Variants in KIAA1210 observed in about 807,000 individuals in gnomAD.
KIAA1210 encodes the protein KIAA1210.
A neutral mutation model predicts 78.9 loss-of-function variants in KIAA1210; 48 were observed. The observed-to-expected ratio is 0.61, with a 90% CI of 0.48 to 0.77. The LOEUF (loss-of-function observed/expected upper bound fraction) is 0.77. KIAA1210 is among the 30% of genes least tolerant of loss of function. The pLI is 0.00. For missense variants in KIAA1210, 1,108 were observed against 1,100.0 expected (o/e 1.01, Z -0.10); for synonymous variants, 406 against 404.5 (o/e 1.00, Z -0.04).
At chrX:119,083,825 AAAAATTTT>A (rs1927039938) in intron 10 of KIAA1210, among the ~76,000 whole-genome samples, 1 of 108,199 alleles carries the variant, frequency 9.2e-6, no homozygotes, top group Admixed American at 1.0e-4. Context: ...CATCTCTACA[AAAAATTTT>A]AAAAATTACC....
exon 2 of KIAA1210, chrX:119,147,546 C>T: frequency 8.3e-7 from 1 of 1,210,223 alleles, no homozygotes; most frequent in Non-Finnish European, 1.1e-6. Flanking sequence ...CTGGCCAGAT[C>T]CCCAAGATTA....
At position 119,088,996 on chromosome X, in the gene KIAA1210, A is replaced by C. The variant is rs778085444; in HGVS notation, c.1706T>G (p.Val569Gly). The change falls in exon 9 of 12, where the codon GTT (valine) becomes GGT (glycine). Residue 569 changes from valine to glycine, a missense_variant. By Grantham distance (109) the Val-to-Gly change is moderately radical. Around this residue, in one of 5 missense-constraint regions of KIAA1210, gnomAD observed 672 missense variants for 607.1 expected, o/e 1.11. Coordinates refer to ENST00000691062, the MANE Select transcript of KIAA1210 (RefSeq NM_001394962.1). ...GNVHQTFTAS[V>G]LGMTSTTAKG... ...GGCTGTAGTACTTGTCATACCCAAAACACTTGCTGTAAAGGTCTGGTGAAC... is the reference window on the plus strand; with the variant it reads ...GGCTGTAGTACTTGTCATACCCAAACCACTTGCTGTAAAGGTCTGGTGAAC... 4 of 1,212,089 alleles carry C rather than the reference A, an allele frequency of 3.3e-6. No individual in the cohort carries two copies. In the East Asian group the frequency reaches 1.2e-4, roughly 36 times the overall value.
Position 119,087,538 on chromosome X carries a change from T to G in KIAA1210, c.3164A>C (p.Lys1055Thr), listed in dbSNP as rs1055937345. ...GAAAACTTGGTGCTTGACTTCAGGC[T>G]TTGATAAAGATTTGGAAGGAAGATT... ...PPNLPSKSLS[K>T]PEVKHQVFSD... The change falls in exon 9 of 12, where the codon AAG (lysine) becomes ACG (threonine). Residue 1055 changes from lysine (K) to threonine (T), a missense_variant. By Grantham distance (78) the Lys-to-Thr change is moderately conservative. This residue lies in a region of KIAA1210 where 179 missense variants were observed against 174.1 expected (regional missense o/e 1.03). Transcript: ENST00000691062. The G allele has an allele frequency of 5.0e-6, 6 of 1,211,419 alleles. No homozygotes were observed. The highest frequency in any genetic ancestry group is 6.7e-6 in the Non-Finnish European group (6 of 895,365).
chrX:119,088,641 A>G lies in KIAA1210; in HGVS notation c.2061T>C (p.Ser687=), dbSNP rs200657399. 2 of 1,210,040 alleles carry G rather than the reference A, an allele frequency of 1.7e-6. No individual in the cohort carries two copies. The highest frequency in any genetic ancestry group is 5.9e-5 in the East Asian group (2 of 33,798). The change falls in exon 9 of 12, where the codon TCT becomes TCC. Residue 687 remains serine (S), a synonymous_variant. Transcript: ENST00000691062. ...CTTCCTCTGAGCTGCTGCAATCATC[A>G]GAAGTGTTGTACTTTTCAACATAAC... is the stretch of plus-strand genomic sequence containing the variant. ...SSSYVEKYNT[S]DDCSSSEEDL...
rs113740887 is a variant in KIAA1210 at position 119,089,011 on chromosome X, G to C, written c.1691C>G (p.Thr564Ser). The C allele has an allele frequency of 8.3e-7, 1 of 1,210,436 alleles. No individual in the cohort carries two copies. The highest frequency in any genetic ancestry group is 1.1e-6 in the Non-Finnish European group (1 of 895,161). Residue 564 changes from threonine to serine, a missense_variant, in exon 9 of 12, where the codon ACC becomes AGC. Physicochemically the swap from Thr to Ser is moderately conservative, Grantham distance 58. Coordinates refer to ENST00000691062, the MANE Select transcript of KIAA1210 (RefSeq NM_001394962.1). ...KEKPSGNVHQTFTASVLGMTS... is the reference protein window; with the variant it reads ...KEKPSGNVHQSFTASVLGMTS... ...CATACCCAAAACACTTGCTGTAAAG[G>C]TCTGGTGAACATTTCCAGAAGGCTT... is the stretch of plus-strand genomic sequence containing the variant.
rs1157526015 is a variant in KIAA1210 at position 119,079,898 on chromosome X, C to T, written c.*1431G>A. 1 of 111,648 alleles carries T rather than the reference C, an allele frequency of 9.0e-6. No individual in the cohort carries two copies. The highest frequency in any genetic ancestry group is 9.5e-5 in the Admixed American group (1 of 10,537). The allele number at this position is 111,648 out of a possible 1,213,427, so 9.2% of individuals were successfully genotyped here. Reference sequence around the variant, plus strand: ...TCATTTCTCTGTGGCTTTGGGATTGCACTCTTGCTTTGGGCTAAAACCTTG... The same window carrying T: ...TCATTTCTCTGTGGCTTTGGGATTGTACTCTTGCTTTGGGCTAAAACCTTG... On this transcript the variant is annotated 3_prime_UTR_variant, in exon 12 of 12. Transcript: ENST00000691062.
intron 2 of KIAA1210, among the ~76,000 whole-genome samples, chrX:119,133,671 C>CTT (rs1304936746): frequency 1.0e-5 from 1 of 95,505 alleles, no homozygotes; most frequent in Non-Finnish European, 2.1e-5. Flanking sequence ...TCTTTTCTTT[C>CTT]TTTTTTTTTT....
chrX:119,102,420 T>A (rs1927760786), intron 6 of KIAA1210, among the ~76,000 whole-genome samples: 1 of 111,236 alleles, frequency 9.0e-6, no homozygotes, highest in South Asian at 3.8e-4. Flanking sequence ...CAGGTGGAAG[T>A]ACAGTGGCTA....
At chrX:119,138,379 C>T (rs1467486420) in intron 2 of KIAA1210, among the ~76,000 whole-genome samples, 2 of 109,558 alleles carry the variant, frequency 1.8e-5, no homozygotes, top group Admixed American at 9.8e-5. Flanking sequence ...CCACCATGCC[C>T]GGCTAATTTT....
intron 8 of KIAA1210, 39 bp downstream of exon 8, chrX:119,093,628 G>A (rs754647898): frequency 2.0e-5 from 21 of 1,034,664 alleles, no homozygotes; most frequent in East Asian, 3.0e-5. Context: ...AATGAAGTCT[G>A]TCATACATGT....
chrX:119,101,705 A>G (rs1927740123), intron 6 of KIAA1210, among the ~76,000 whole-genome samples: 1 of 111,999 alleles, frequency 8.9e-6, no homozygotes, highest in African/African-American at 3.2e-5. Context: ...TATTTTTGCC[A>G]ACTTGAAAGT....
chrX:119,098,100 T>A (rs772731816), intron 6 of KIAA1210, among the ~76,000 whole-genome samples: 1 of 111,672 alleles, frequency 9.0e-6, no homozygotes, highest in South Asian at 3.9e-4. Flanking sequence ...ATGCTCCCAC[T>A]AACCTCACAT....
At chrX:119,136,133 G>A (rs947077029) in intron 2 of KIAA1210, among the ~76,000 whole-genome samples, 2 of 112,015 alleles carry the variant, frequency 1.8e-5, no homozygotes, top group African/African-American at 6.5e-5. Flanking sequence ...TGGATTCTGT[G>A]GGATTTGATA....
At chrX:119,135,067 A>G (rs1023071624) in intron 2 of KIAA1210, among the ~76,000 whole-genome samples, 1 of 112,149 alleles carries the variant, frequency 8.9e-6, no homozygotes, top group Non-Finnish European at 1.9e-5. Context: ...CACTTCCCAG[A>G]TGAGGAAACT....
chrX:119,139,265 C>T (rs1001099377), intron 2 of KIAA1210, among the ~76,000 whole-genome samples: 91 of 111,331 alleles, frequency 8.2e-4, no homozygotes, highest in African/African-American at 2.9e-3. Flanking sequence ...CTGTAAATCA[C>T]CTTGGGTACA....
upstream of KIAA1210, among the ~76,000 whole-genome samples, chrX:119,132,497 T>C (rs1371140647): frequency 9.0e-6 from 1 of 111,262 alleles, no homozygotes; most frequent in Non-Finnish European, 1.9e-5. Context: ...AGAACTTAAG[T>C]TGCTACTCTC....
chrX:119,085,467 A>G lies in KIAA1210; in HGVS notation c.4236T>C (p.Ser1412=), dbSNP rs748975691. 6 of 1,208,499 alleles carry G rather than the reference A, an allele frequency of 5.0e-6. No homozygotes were observed. In the Admixed American group the frequency reaches 1.3e-4, roughly 26 times the overall value. Residue 1412 remains serine (S), a synonymous_variant, in exon 10 of 12, where the codon AGT becomes AGC. Coordinates refer to ENST00000691062, the MANE Select transcript of KIAA1210 (RefSeq NM_001394962.1). ...CTTTCACAGAAATGTGGGCCTTGAA[A>G]CTCTTCTGCTTCTGCTTTGCCATAG... is the stretch of plus-strand genomic sequence containing the variant. ...WITMAKQKQK[S]FKAHISVKEL...
At chrX:119,097,537 T>C (rs1927593964) in intron 6 of KIAA1210, among the ~76,000 whole-genome samples, 2 of 111,960 alleles carry the variant, frequency 1.8e-5, no homozygotes, top group South Asian at 7.5e-4. Context: ...GCAAACCATA[T>C]ATTATAATTT....
At chrX:119,139,146 G>T (rs1326264396) in intron 2 of KIAA1210, among the ~76,000 whole-genome samples, 1 of 111,941 alleles carries the variant, frequency 8.9e-6, no homozygotes, top group Non-Finnish European at 1.9e-5. Flanking sequence ...CACTCACAGG[G>T]ATGCTGCTTC....
Sources: allele counts gnomAD v4.1 joint callset (sites outside exome capture counted in the v4.1 genomes callset), GRCh38; gene constraint gnomAD v4.1.1; regional missense constraint gnomAD v4.1.1; transcripts MANE v1.5; gene names NCBI Gene and HGNC (gene_info 2026-07-23, HGNC 2026-07-21).